CGNL1: variants seen among roughly 807,000 people sequenced by gnomAD.
CGNL1 encodes the protein cingulin-like protein 1.
In CGNL1, 132 loss-of-function variants were observed where a neutral mutation model predicts 141.2. The observed-to-expected ratio is 0.93, with a 90% CI of 0.81 to 1.08. The LOEUF is 1.08. CGNL1 is among the 50% of genes least tolerant of loss of function. The probability of loss-of-function intolerance (pLI) is 0.00; values close to 1 mark genes in which losing one functional copy is unlikely to be tolerated. For missense variants in CGNL1, 1,870 were observed against 1,588.6 expected (o/e 1.18, Z -3.01); for synonymous variants, 690 against 622.1 (o/e 1.11, Z -1.63).
At chr15:57,538,035 C>A (rs1329197977) in intron 14 of CGNL1, among the ~76,000 whole-genome samples, 2 of 152,218 alleles carry the variant, frequency 1.3e-5, no homozygotes, top group Admixed American at 1.3e-4. Flanking sequence ...AGGGCAGGTG[C>A]CAGTGTGGGC....
chr15:57,382,318 A>C (rs1198788806), intron 1 of CGNL1, among the ~76,000 whole-genome samples: 1 of 152,222 alleles, frequency 6.6e-6, no homozygotes, highest in African/African-American at 2.4e-5. Flanking sequence ...GCTCCAAGGA[A>C]CATTTCCAGG....
intron 8 of CGNL1, among the ~76,000 whole-genome samples, chr15:57,516,355 C>T (rs1372455404): frequency 2.0e-5 from 3 of 151,956 alleles, no homozygotes; most frequent in East Asian, 1.9e-4. Flanking sequence ...TTTAAGATGG[C>T]GATAAGAATA....
At chr15:57,483,469 T>C (rs1254581655) in intron 8 of CGNL1, among the ~76,000 whole-genome samples, 1 of 23,758 alleles carries the variant, frequency 4.2e-5, no homozygotes, top group African/African-American at 1.7e-4. Flanking sequence ...CAAAGTTTTC[T>C]TTTTTTTTTT....
At chr15:57,490,100 C>T (rs1181383866) in intron 8 of CGNL1, among the ~76,000 whole-genome samples, 2 of 151,912 alleles carry the variant, frequency 1.3e-5, no homozygotes, top group Non-Finnish European at 2.9e-5. Context: ...ACATGGACAA[C>T]AGTAGTTACT....
chr15:57,416,864 G>A (rs2152277154), intron 1 of CGNL1, among the ~76,000 whole-genome samples: 1 of 152,286 alleles, frequency 6.6e-6, no homozygotes, highest in Admixed American at 6.5e-5. Flanking sequence ...ATGAATGGTG[G>A]TTAGGTTCTA....
intron 8 of CGNL1, among the ~76,000 whole-genome samples, chr15:57,497,798 C>T (rs1364667921): frequency 6.6e-6 from 1 of 152,254 alleles, no homozygotes; most frequent in Non-Finnish European, 1.5e-5. Context: ...CCCATGCACA[C>T]ACGGGCGGCG....
chr15:57,409,037 T>TCAGACACACA (rs1555431350), intron 1 of CGNL1, among the ~76,000 whole-genome samples: 1 of 141,736 alleles, frequency 7.1e-6, no homozygotes, highest in African/African-American at 2.7e-5. Context: ...TGAGACTCTG[T>TCAGACACACA]CACACACACA....
Position 57,547,767 on chromosome 15 carries a change from G to A in CGNL1, c.*277G>A. ...TACACTTTGGTAGGCTGAGGCCCCT[G>A]TTCCACAGCCACTATTTGCATTGCT... On this transcript the variant is annotated 3_prime_UTR_variant, in exon 19 of 19. Coordinates refer to ENST00000281282, the MANE Select transcript of CGNL1 (RefSeq NM_032866.5). The A allele has an allele frequency of 2.6e-6, 1 of 389,086 alleles. No homozygotes were observed. The highest frequency in any genetic ancestry group is 4.6e-6 in the Non-Finnish European group (1 of 216,916). The allele number at this position is 389,086 out of a possible 1,614,324, so 24.1% of individuals were successfully genotyped here.
intron 8 of CGNL1, among the ~76,000 whole-genome samples, chr15:57,470,671 C>T (rs1320673049): frequency 6.6e-6 from 1 of 152,306 alleles, no homozygotes; most frequent in East Asian, 1.9e-4. Flanking sequence ...AGTGTGTTTT[C>T]TGTGCCAGCG....
At position 57,417,688 on chromosome 15, in the gene CGNL1, A is replaced by C. The variant is rs140675766; in HGVS notation, c.-15-20297A>C. Among the ~76,000 whole-genome samples the C allele has an allele frequency of 2.0e-5, 3 of 151,524 alleles. No individual in the cohort carries two copies. In the East Asian group the frequency reaches 5.8e-4, roughly 29 times the overall value. On this transcript the variant is annotated intron_variant, in intron 1 of 18. Transcript: ENST00000281282. ...TCGTTCATTTATTCATTCAATTCAT[A>C]AGCAATTGCATTATGCCAGATATAC...
intron 10 of CGNL1, 114 bp downstream of exon 10, chr15:57,518,611 C>T (rs2031018448): frequency 7.0e-6 from 5 of 709,548 alleles, no homozygotes; most frequent in Non-Finnish European, 1.2e-5. Context: ...AGCTCCCTTT[C>T]ACCCATAATA....
intron 8 of CGNL1, among the ~76,000 whole-genome samples, chr15:57,506,977 C>T (rs1400672138): frequency 6.6e-6 from 1 of 152,142 alleles, no homozygotes. Flanking sequence ...TTACAGTGTG[C>T]AGTTCAGTGG....
intron 1 of CGNL1, among the ~76,000 whole-genome samples, chr15:57,392,872 C>G (rs1417278738): frequency 1.3e-5 from 2 of 152,028 alleles, no homozygotes; most frequent in African/African-American, 2.4e-5. Context: ...ATACCCTGGA[C>G]TAATACATAA....
At chr15:57,408,033 G>A (rs569770442) in intron 1 of CGNL1, among the ~76,000 whole-genome samples, 1 of 152,114 alleles carries the variant, frequency 6.6e-6, no homozygotes, top group Admixed American at 6.5e-5. Context: ...AGAGGTGTGA[G>A]CCACCGTTAC....
chr15:57,466,374 T>C (rs1407036263), intron 8 of CGNL1, among the ~76,000 whole-genome samples: 2 of 152,216 alleles, frequency 1.3e-5, no homozygotes, highest in Non-Finnish European at 2.9e-5. Flanking sequence ...TTCACAGCCG[T>C]TGGCTTATTT....
intron 1 of CGNL1, among the ~76,000 whole-genome samples, chr15:57,411,711 C>T (rs1567100537): frequency 6.6e-6 from 1 of 151,746 alleles, no homozygotes; most frequent in Non-Finnish European, 1.5e-5. Context: ...TCCCAAAGTG[C>T]TGGGATTACA....
intron 1 of CGNL1, among the ~76,000 whole-genome samples, chr15:57,417,329 G>C (rs763110155): frequency 6.6e-6 from 1 of 152,158 alleles, no homozygotes; most frequent in Non-Finnish European, 1.5e-5. Flanking sequence ...CATCTCCTGG[G>C]TTCAAGCAAT....
chr15:57,440,304 G>A, intron 2 of CGNL1, 73 bp from the exon 3 acceptor site: 2 of 1,067,722 alleles, frequency 1.9e-6, no homozygotes, highest in Non-Finnish European at 2.8e-6. Flanking sequence ...ATGCTCACTG[G>A]AGGAATTGTT....
At chr15:57,420,326 G>T (rs984797834) in intron 1 of CGNL1, among the ~76,000 whole-genome samples, 1 of 152,156 alleles carries the variant, frequency 6.6e-6, no homozygotes, top group Admixed American at 6.5e-5. Context: ...ACATAGATGT[G>T]TACACTAGCC....
Sources: allele counts gnomAD v4.1 joint callset (sites outside exome capture counted in the v4.1 genomes callset), GRCh38; gene constraint gnomAD v4.1.1; transcripts MANE v1.5; gene names NCBI Gene and HGNC (gene_info 2026-07-23, HGNC 2026-07-21).